The following BMPR2 variants were observed in gnomAD, a reference collection of about 807,000 sequenced individuals.
BMPR2 encodes the protein bone morphogenetic protein receptor type 2.
Under a neutral mutation model 100.8 loss-of-function variants are expected in BMPR2, and 29 were observed. That is an observed-to-expected ratio of 0.29 (90% CI 0.21 to 0.39). The LOEUF is 0.39. BMPR2 is among the 10% of genes least tolerant of loss of function. BMPR2 has a pLI of 1.00. For missense variants in BMPR2, 1,011 were observed against 1,274.5 expected (o/e 0.79, Z 3.15); for synonymous variants, 382 against 442.3 (o/e 0.86, Z 1.71).
intron 10 of BMPR2, among the ~76,000 whole-genome samples, chr2:202,546,685 C>T (rs181615593): frequency 1.3e-4 from 20 of 152,264 alleles, no homozygotes; most frequent in Non-Finnish European, 1.6e-4. Flanking sequence ...CTCACTGTGG[C>T]GTCTGCCTCC....
intron 3 of BMPR2, among the ~76,000 whole-genome samples, chr2:202,506,082 G>A (rs1405071800): frequency 6.6e-6 from 1 of 152,158 alleles, no homozygotes; most frequent in African/African-American, 2.4e-5. Context: ...TACATGTTAT[G>A]TGTAACTCAC....
At chr2:202,437,936 A>AG (rs1691649493) in intron 1 of BMPR2, among the ~76,000 whole-genome samples, 2 of 149,338 alleles carry the variant, frequency 1.3e-5, no homozygotes, top group African/African-American at 5.1e-5. Flanking sequence ...TTAACGTACA[A>AG]ATTTTTTTTT....
At chr2:202,539,446 G>A (rs1688229829) in intron 9 of BMPR2, among the ~76,000 whole-genome samples, 2 of 151,520 alleles carry the variant, frequency 1.3e-5, no homozygotes, top group African/African-American at 4.8e-5. Flanking sequence ...TAAATGAGGT[G>A]GAAGTAGAAA....
At chr2:202,430,230 T>C (rs943055291) in intron 1 of BMPR2, among the ~76,000 whole-genome samples, 2 of 152,182 alleles carry the variant, frequency 1.3e-5, no homozygotes, top group African/African-American at 2.4e-5. Flanking sequence ...TCTCCAAATA[T>C]AGTCACACTG....
rs886055471 is a variant in BMPR2, at chr2:202,560,015, TA to T, written c.*79del. The T allele has an allele frequency of 6.2e-4, 892 of 1,448,204 alleles. 1 individual carries two copies. The highest frequency in any genetic ancestry group is 5.2e-3 in the African/African-American group (360 of 69,626). The allele number at this position is 1,448,204 out of a possible 1,614,324, so 89.7% of individuals were successfully genotyped here. The stretch of plus-strand genomic sequence containing the variant: ...TAAACATGCAGAAGATGTTTAAAAA[TA>T]AAAAAAAAACTGCTTTATCCTCCTG... On this transcript the variant is annotated 3_prime_UTR_variant, in exon 13 of 13. Coordinates refer to ENST00000374580, the MANE Select transcript of BMPR2 (RefSeq NM_001204.7).
chr2:202,542,245 C>A, intron 9 of BMPR2, 66 bp from the exon 10 acceptor site: 1 of 1,576,880 alleles, frequency 6.3e-7, no homozygotes, highest in Non-Finnish European at 8.7e-7. Context: ...CAGAAATACC[C>A]CTGTTATTCT....
intron 3 of BMPR2, among the ~76,000 whole-genome samples, chr2:202,512,101 A>C (rs139710491): frequency 1.3e-5 from 2 of 152,294 alleles, no homozygotes; most frequent in East Asian, 1.9e-4. Context: ...GTTTCAACAT[A>C]TCCTTCTATA....
chr2:202,382,058 G>GTTTTTTTTTTTTT (rs1216592236), intron 1 of BMPR2, among the ~76,000 whole-genome samples: 21 of 113,646 alleles, frequency 1.8e-4, no homozygotes, highest in South Asian at 3.0e-4. Context: ...TTTTGTTTTT[G>GTTTTTTTTTTTTT]TTTTTTTTTT....
intron 3 of BMPR2, among the ~76,000 whole-genome samples, chr2:202,470,764 C>T (rs578147592): frequency 1.4e-5 from 2 of 140,094 alleles, no homozygotes; most frequent in East Asian, 4.1e-4. Context: ...GAGCGAGACT[C>T]CGTCTCAAAA....
At chr2:202,459,997 A>C (rs576045563) in intron 1 of BMPR2, among the ~76,000 whole-genome samples, 15 of 152,242 alleles carry the variant, frequency 9.9e-5, no homozygotes, top group Non-Finnish European at 1.6e-4. Flanking sequence ...GCCAACAATT[A>C]TATGAAAAAA....
At chr2:202,512,327 C>T (rs994843408) in intron 3 of BMPR2, among the ~76,000 whole-genome samples, 3 of 152,176 alleles carry the variant, frequency 2.0e-5, no homozygotes, top group African/African-American at 7.2e-5. Context: ...AGCTTCTGAT[C>T]AGTATTACCA....
At chr2:202,518,506 A>C (rs1281517108) in intron 5 of BMPR2, among the ~76,000 whole-genome samples, 1 of 152,150 alleles carries the variant, frequency 6.6e-6, no homozygotes. Context: ...CTCAGGATAA[A>C]AGTCATAAAA....
At chr2:202,459,694 CA>C (rs1442316916) in intron 1 of BMPR2, among the ~76,000 whole-genome samples, 1 of 152,066 alleles carries the variant, frequency 6.6e-6, no homozygotes, top group Non-Finnish European at 1.5e-5. Context: ...TAGGAACAGG[CA>C]AAGTTTTCAT....
intron 3 of BMPR2, among the ~76,000 whole-genome samples, chr2:202,472,608 G>A (rs1237861985): frequency 2.6e-5 from 4 of 152,202 alleles, no homozygotes. Flanking sequence ...GCAGTGAGCC[G>A]AGATTGCACC....
chr2:202,546,823 T>C (rs2106035621), intron 10 of BMPR2, among the ~76,000 whole-genome samples: 1 of 152,280 alleles, frequency 6.6e-6, no homozygotes, highest in African/African-American at 2.4e-5. Context: ...AGGCTGGTCT[T>C]GAACTCCTGA....
intron 3 of BMPR2, among the ~76,000 whole-genome samples, chr2:202,507,788 C>T (rs1398421211): frequency 6.6e-6 from 1 of 151,692 alleles, no homozygotes; most frequent in African/African-American, 2.4e-5. Context: ...CAGCCTCTGC[C>T]TCCCGGGTTC....
chr2:202,390,631 C>T (rs1429058751), intron 1 of BMPR2, among the ~76,000 whole-genome samples: 2 of 151,862 alleles, frequency 1.3e-5, no homozygotes, highest in Non-Finnish European at 2.9e-5. Flanking sequence ...CGTGCTTGGC[C>T]GAGAATCTCC....
In BMPR2 at chr2:202,559,728, T is replaced by C. The variant is rs1559075575; in HGVS notation, c.2899T>C (p.Ser967Pro). 3.7e-6 allele frequency: 6 copies of C among 1,614,166 alleles called. No individual in the cohort carries two copies. Among genetic ancestry groups the C allele is most frequent in the Non-Finnish European group, 5.1e-6 (6 of 1,180,022 alleles). ...GESTQDGKSG[S>P]GEKIKKRVKT... ...GTCAACACAAGATGGCAAATCAGGA[T>C]CAGGTGAAAAGATCAAGAAACGTGT... is the stretch of plus-strand genomic sequence containing the variant. Residue 967 changes from serine to proline, a missense_variant, in exon 13 of 13, where the codon TCA becomes CCA. Physicochemically the swap from Ser to Pro is moderately conservative, Grantham distance 74. Around this residue, in one of 6 missense-constraint regions of BMPR2, gnomAD observed 508 missense variants for 552.0 expected, o/e 0.92. Transcript: ENST00000374580.
At chr2:202,474,172 A>T (rs1339819331) in intron 3 of BMPR2, among the ~76,000 whole-genome samples, 1 of 151,564 alleles carries the variant, frequency 6.6e-6, no homozygotes, top group Non-Finnish European at 1.5e-5. Flanking sequence ...AAATAAGTGG[A>T]TCGCCGGGCA....
Sources: gnomAD v4.1 joint callset for allele counts (sites outside exome capture counted in the v4.1 genomes callset) on GRCh38, gnomAD v4.1.1 for gene constraint, gnomAD v4.1.1 regional missense constraint, MANE v1.5 for transcripts, NCBI Gene and HGNC (gene_info 2026-07-23, HGNC 2026-07-21) for gene names.